CSRNP3: variants seen among roughly 807,000 people sequenced by gnomAD.
CSRNP3 encodes cysteine/serine-rich nuclear protein 3.
A neutral mutation model predicts 48.0 loss-of-function variants in CSRNP3; 12 were observed. The observed-to-expected ratio is 0.25, with a 90% CI of 0.16 to 0.41. The LOEUF (loss-of-function observed/expected upper bound fraction) is 0.41, where lower values mean the gene tolerates loss of function less well. Ranked by LOEUF, CSRNP3 falls within the 10% of genes least tolerant of loss-of-function variation. CSRNP3 has a pLI of 1.00. For missense variants in CSRNP3, 580 were observed against 724.4 expected (o/e 0.80, Z 2.29); for synonymous variants, 263 against 269.7 (o/e 0.98, Z 0.24).
chr2:165,553,946 G>T (rs1052188257), intron 3 of CSRNP3, among the ~76,000 whole-genome samples: 7 of 152,040 alleles, frequency 4.6e-5, no homozygotes, highest in Non-Finnish European at 7.4e-5. Flanking sequence ...TTACCCATCT[G>T]CTTAGCAAAA....
chr2:165,542,895 G>A (rs570613866), intron 3 of CSRNP3, among the ~76,000 whole-genome samples: 9 of 152,280 alleles, frequency 5.9e-5, no homozygotes, highest in Middle Eastern at 3.4e-3. Flanking sequence ...TGTTAAGTCT[G>A]TATGAAATAT....
intron 4 of CSRNP3, among the ~76,000 whole-genome samples, chr2:165,650,595 G>C (rs1398598548): frequency 6.6e-6 from 1 of 152,126 alleles, no homozygotes; most frequent in Non-Finnish European, 1.5e-5. Context: ...TTTAAGCTAA[G>C]CTTCCTGGTT....
intron 1 of CSRNP3, among the ~76,000 whole-genome samples, chr2:165,478,977 T>C (rs1049854975): frequency 6.6e-6 from 1 of 152,226 alleles, no homozygotes; most frequent in African/African-American, 2.4e-5. Context: ...CGAAGCTATT[T>C]ATTAACTAAA....
At chr2:165,476,991 A>T (rs1683971207) in intron 1 of CSRNP3, among the ~76,000 whole-genome samples, 2 of 152,174 alleles carry the variant, frequency 1.3e-5, no homozygotes, top group Non-Finnish European at 2.9e-5. Flanking sequence ...TGGGTGAAAA[A>T]AAATCCCTCT....
intron 3 of CSRNP3, among the ~76,000 whole-genome samples, chr2:165,561,973 A>G (rs1183874002): frequency 2.6e-5 from 4 of 152,204 alleles, no homozygotes; most frequent in African/African-American, 9.6e-5. Flanking sequence ...ATTAATTAAC[A>G]CATGAACATT....
At chr2:165,576,679 C>T (rs563742266) in intron 3 of CSRNP3, among the ~76,000 whole-genome samples, 72 of 152,006 alleles carry the variant, frequency 4.7e-4, no homozygotes, top group East Asian at 3.7e-3. Context: ...TGCAATAGCT[C>T]GAGCCATACT....
chr2:165,652,275 G>T (rs569629422), intron 4 of CSRNP3, among the ~76,000 whole-genome samples: 2 of 151,934 alleles, frequency 1.3e-5, no homozygotes, highest in Non-Finnish European at 1.5e-5. Flanking sequence ...ATTTTGGGAG[G>T]CTGAGGCAGG....
intron 2 of CSRNP3, among the ~76,000 whole-genome samples, chr2:165,508,260 G>C (rs779937444): frequency 6.6e-6 from 1 of 151,844 alleles, no homozygotes; most frequent in Non-Finnish European, 1.5e-5. Flanking sequence ...TGTTTTCTTT[G>C]TAAGATTAAG....
rs921522196 is a variant in CSRNP3, at chr2:165,687,221, A to G, written c.*7468A>G. 1 of 152,106 alleles carries G rather than the reference A, an allele frequency of 6.6e-6. No homozygotes were observed. Among genetic ancestry groups the G allele is most frequent in the Non-Finnish European group, 1.5e-5 (1 of 67,998 alleles). 9.4% of individuals were successfully genotyped at this position (152,106 alleles called of 1,614,324 possible). A position where few individuals can be genotyped will look rare whatever the true frequency, so the allele number is the denominator to read the frequency against. ...TGATCATTCCATAAGTCTCCTAAGAAATCAGATTTTTAAAGAAAGACACGG... is the reference window on the plus strand; with the variant it reads ...TGATCATTCCATAAGTCTCCTAAGAGATCAGATTTTTAAAGAAAGACACGG... On this transcript the variant is annotated 3_prime_UTR_variant, in exon 7 of 7. Coordinates refer to ENST00000651982, the MANE Select transcript of CSRNP3 (RefSeq NM_001172173.2).
At chr2:165,620,214 T>G (rs1686317006) in intron 4 of CSRNP3, among the ~76,000 whole-genome samples, 1 of 152,042 alleles carries the variant, frequency 6.6e-6, no homozygotes, top group African/African-American at 2.4e-5. Flanking sequence ...TCCATATAAA[T>G]CTTCCAAAAA....
rs1202278956 is a variant in CSRNP3 at position 165,491,833 on chromosome 2, G to A, written c.-282-2926G>A. ...GGGGAGGGGGGAGGGATAGCATTGGGAGATATACCTAATGCTAGATGACGA... is the reference window on the plus strand; with the variant it reads ...GGGGAGGGGGGAGGGATAGCATTGGAAGATATACCTAATGCTAGATGACGA... On this transcript the variant is annotated intron_variant, in intron 1 of 6. Coordinates refer to ENST00000651982, the MANE Select transcript of CSRNP3 (RefSeq NM_001172173.2). Among the ~76,000 whole-genome samples the A allele has an allele frequency of 5.3e-5, 7 of 133,282 alleles. No individual in the cohort carries two copies. In the East Asian group the frequency reaches 7.2e-4, roughly 14 times the overall value. The allele number at this position is 133,282 out of a possible 152,430, so 87.4% of individuals were successfully genotyped here. A position where few individuals can be genotyped will look rare whatever the true frequency, so the allele number is the denominator to read the frequency against.
intron 4 of CSRNP3, among the ~76,000 whole-genome samples, chr2:165,635,694 G>C (rs1473445524): frequency 3.3e-5 from 5 of 152,108 alleles, no homozygotes; most frequent in African/African-American, 1.2e-4. Flanking sequence ...AACCAGTCTA[G>C]ACTTGTTTAG....
chr2:165,524,143 A>C (rs1416800449), intron 3 of CSRNP3, among the ~76,000 whole-genome samples: 4 of 152,184 alleles, frequency 2.6e-5, no homozygotes, highest in Non-Finnish European at 5.9e-5. Flanking sequence ...CTCAATGAAG[A>C]AGCTCTCCAA....
chr2:165,654,104 G>A lies in CSRNP3; in HGVS notation c.149-3657G>A, dbSNP rs181348709. On this transcript the variant is annotated intron_variant, in intron 4 of 6. Transcript: ENST00000651982. ...TGGCCTTGAATAATAATGCCTTTAGGGCATCATTTTTATGATATCAAGAGC... is the reference window on the plus strand; with the variant it reads ...TGGCCTTGAATAATAATGCCTTTAGAGCATCATTTTTATGATATCAAGAGC... 3.3e-5 allele frequency among the ~76,000 whole-genome samples: 5 copies of A among 151,256 alleles called. No individual in the cohort carries two copies. In the East Asian group the frequency reaches 9.7e-4, roughly 29 times the overall value.
At chr2:165,579,152 G>C (rs1438137263) in intron 3 of CSRNP3, among the ~76,000 whole-genome samples, 1 of 152,080 alleles carries the variant, frequency 6.6e-6, no homozygotes, top group Non-Finnish European at 1.5e-5. Context: ...GAACATCTTA[G>C]GTGTCAATGG....
At chr2:165,497,808 C>T (rs1040170230) in intron 2 of CSRNP3, among the ~76,000 whole-genome samples, 3 of 152,026 alleles carry the variant, frequency 2.0e-5, no homozygotes, top group Non-Finnish European at 2.9e-5. Flanking sequence ...ACCTCTCTAC[C>T]AGACCACACA....
chr2:165,580,093 T>A (rs1018236033), intron 3 of CSRNP3, among the ~76,000 whole-genome samples: 2 of 151,966 alleles, frequency 1.3e-5, no homozygotes, highest in Non-Finnish European at 2.9e-5. Context: ...CACGCCTGGC[T>A]AATTTTTTGT....
intron 3 of CSRNP3, among the ~76,000 whole-genome samples, chr2:165,534,574 A>G (rs1417683295): frequency 2.0e-5 from 3 of 151,940 alleles, no homozygotes; most frequent in Non-Finnish European, 4.4e-5. Flanking sequence ...GGTTGTGAGT[A>G]AAAAATTGAA....
intron 4 of CSRNP3, among the ~76,000 whole-genome samples, chr2:165,634,375 T>G (rs1041830320): frequency 6.6e-6 from 1 of 152,100 alleles, no homozygotes; most frequent in Admixed American, 6.6e-5. Context: ...AAAAACATTA[T>G]TTGAAAAACA....
Sources: allele counts gnomAD v4.1 joint callset (sites outside exome capture counted in the v4.1 genomes callset), GRCh38; gene constraint gnomAD v4.1.1; transcripts MANE v1.5; gene names NCBI Gene and HGNC (gene_info 2026-07-23, HGNC 2026-07-21).